The following ANK2 variants were observed in gnomAD, a reference collection of about 807,000 sequenced individuals.
ANK2 encodes ankyrin-2.
In ANK2, 83 loss-of-function variants were observed where a neutral mutation model predicts 360.5. The observed-to-expected ratio is 0.23, with a 90% CI of 0.19 to 0.28. The LOEUF (loss-of-function observed/expected upper bound fraction) is 0.28. Among genes scored for constraint, ANK2 ranks in the 10% least tolerant of loss-of-function variants. ANK2 has a pLI of 1.00. For missense variants in ANK2, 4,201 were observed against 4,795.7 expected (o/e 0.88, Z 3.66); for synonymous variants, 1,740 against 1,759.5 (o/e 0.99, Z 0.28).
chr4:113,364,596 T>C (rs2096428037), intron 40 of ANK2, among the ~76,000 whole-genome samples: 1 of 152,342 alleles, frequency 6.6e-6, no homozygotes, highest in Non-Finnish European at 1.5e-5. Flanking sequence ...TACTCATAAA[T>C]AACATCCAGT....
rs141233560 is a variant in ANK2, at chr4:113,198,934, T to TG, written c.286-76dup. 0.012 allele frequency: 14,013 copies of TG among 1,210,090 alleles called. 1,131 individuals carry two copies. In the African/African-American group the frequency reaches 0.18, roughly 16 times the overall value. The allele number at this position is 1,210,090 out of a possible 1,614,324, so 75.0% of individuals were successfully genotyped here. A position where few individuals can be genotyped will look rare whatever the true frequency, so the allele number is the denominator to read the frequency against. On this transcript the variant is annotated intron_variant, in intron 3 of 45. Coordinates refer to ENST00000357077, the MANE Select transcript of ANK2 (RefSeq NM_001148.6). ...AATCGGTTAAAGTGATTAGTGAAGT[T>TG]GAAAAATGCCTGCACATTTTGATTT...
chr4:113,053,879 G>A (rs1172852998), intron 1 of ANK2, among the ~76,000 whole-genome samples: 1 of 152,158 alleles, frequency 6.6e-6, no homozygotes, highest in Admixed American at 6.5e-5. Context: ...ACAGGCATGA[G>A]ACTATAAAAC....
intron 1 of ANK2, chr4:113,173,955 AAGCATCTGAAAACCAAC>A: frequency 5.0e-6 from 1 of 200,928 alleles, no homozygotes; most frequent in Non-Finnish European, 1.0e-5. Context: ...TCTCTCTCAG[AAGCATCTGAAAACCAAC>A]AGGAAAGAAA....
At chr4:113,242,987 T>G (rs928978940) in intron 9 of ANK2, among the ~76,000 whole-genome samples, 2 of 152,198 alleles carry the variant, frequency 1.3e-5, no homozygotes, top group African/African-American at 4.8e-5. Context: ...GAATTAACTC[T>G]TAGGTATATT....
chr4:113,052,599 T>A (rs1252357890), intron 1 of ANK2, among the ~76,000 whole-genome samples: 1 of 152,198 alleles, frequency 6.6e-6, no homozygotes, highest in Non-Finnish European at 1.5e-5. Flanking sequence ...TGTCAAAATT[T>A]TACTGAGTGT....
chr4:112,790,169 G>GA, the ANK2 span, among the ~76,000 whole-genome samples: 2,683 of 152,172 alleles, frequency 0.018, 93 homozygotes, highest in African/African-American at 0.059. Flanking sequence ...TGTCATTGTG[G>GA]AAAAAAGAGA....
the ANK2 span, among the ~76,000 whole-genome samples, chr4:112,735,699 A>G: frequency 1.3e-5 from 2 of 152,186 alleles, no homozygotes; most frequent in Non-Finnish European, 2.9e-5. Context: ...TGGTAAAAAA[A>G]CATATAGAAT....
the ANK2 span, among the ~76,000 whole-genome samples, chr4:112,736,421 C>T: frequency 6.7e-6 from 1 of 150,096 alleles, no homozygotes; most frequent in Admixed American, 6.7e-5. Flanking sequence ...GCTGAGATTG[C>T]TCCACCGCAC....
intron 3 of ANK2, among the ~76,000 whole-genome samples, chr4:113,197,206 G>A (rs948933744): frequency 1.3e-5 from 2 of 152,152 alleles, no homozygotes; most frequent in East Asian, 1.9e-4. Context: ...GAGATTTTGG[G>A]TCATGGATTG....
intron 2 of ANK2, among the ~76,000 whole-genome samples, chr4:112,962,201 C>A (rs370985686): frequency 1.3e-5 from 2 of 152,098 alleles, no homozygotes; most frequent in African/African-American, 4.8e-5. Flanking sequence ...TTCCCTCTCT[C>A]TACCCTCTAG....
intron 18 of ANK2, among the ~76,000 whole-genome samples, chr4:113,283,341 C>T (rs950721737): frequency 6.6e-6 from 1 of 152,124 alleles, no homozygotes; most frequent in African/African-American, 2.4e-5. Context: ...ATTCTTTAGT[C>T]CTGCTGGGCA....
chr4:113,237,675 G>A lies in ANK2; in HGVS notation c.693+53G>A. The A allele has an allele frequency of 1.8e-5, 27 of 1,495,190 alleles. No individual in the cohort carries two copies. The South Asian group carries it at 2.7e-4, about 15-fold the overall frequency. 92.6% of individuals were successfully genotyped at this position (1,495,190 alleles called of 1,614,324 possible). A position where few individuals can be genotyped will look rare whatever the true frequency, so the allele number is the denominator to read the frequency against. On this transcript the variant is annotated intron_variant, in intron 7 of 45. Coordinates refer to ENST00000357077, the MANE Select transcript of ANK2 (RefSeq NM_001148.6). ...TACCTTGTCTTTATTTTTAGTTTTT[G>A]CCCAATTGGAATAAATGCTCACTAA...
At chr4:112,796,465 T>TAA in the ANK2 span, among the ~76,000 whole-genome samples, 1 of 150,286 alleles carries the variant, frequency 6.7e-6, no homozygotes, top group African/African-American at 2.4e-5. Context: ...TCTATATATA[T>TAA]ACACACACAC....
chr4:113,003,802 G>T (rs1185831438), intron 2 of ANK2, among the ~76,000 whole-genome samples: 1 of 152,208 alleles, frequency 6.6e-6, no homozygotes, highest in African/African-American at 2.4e-5. Flanking sequence ...TTCATCCTTA[G>T]AATGTACTTA....
chr4:113,362,507 C>A (rs1023724170), intron 39 of ANK2, among the ~76,000 whole-genome samples: 38 of 152,140 alleles, frequency 2.5e-4, no homozygotes, highest in Admixed American at 2.2e-3. Context: ...TGTAGTGGCA[C>A]AATCATAGCT....
At chr4:113,380,755 A>C (rs767388003) in intron 45 of ANK2, among the ~76,000 whole-genome samples, 1 of 152,244 alleles carries the variant, frequency 6.6e-6, no homozygotes, top group East Asian at 1.9e-4. Context: ...AGAAATACAC[A>C]AAATGAGCAA....
intron 1 of ANK2, among the ~76,000 whole-genome samples, chr4:113,166,073 A>G (rs2097745367): frequency 6.6e-6 from 1 of 152,152 alleles, no homozygotes; most frequent in Non-Finnish European, 1.5e-5. Flanking sequence ...CAGAGTTATC[A>G]TGCCTGGAGT....
At chr4:112,811,992 G>A in the ANK2 span, among the ~76,000 whole-genome samples, 2 of 148,272 alleles carry the variant, frequency 1.3e-5, no homozygotes, top group Admixed American at 6.8e-5. Flanking sequence ...GGAGAATGGC[G>A]TGAACCCGGG....
the ANK2 span, among the ~76,000 whole-genome samples, chr4:112,805,426 C>G: frequency 6.6e-6 from 1 of 152,236 alleles, no homozygotes; most frequent in South Asian, 2.1e-4. Context: ...AGTCAGTCAA[C>G]AGATCATTTT....
Sources: gnomAD v4.1 joint callset for allele counts (sites outside exome capture counted in the v4.1 genomes callset) on GRCh38, gnomAD v4.1.1 for gene constraint, MANE v1.5 for transcripts, NCBI Gene and HGNC (gene_info 2026-07-23, HGNC 2026-07-21) for gene names.